Variants in GRID1 observed in about 807,000 individuals in gnomAD.
The protein encoded by GRID1 is glutamate ionotropic receptor delta type subunit 1, also known as glutamate receptor ionotropic, delta-1.
A neutral mutation model predicts 98.0 loss-of-function variants in GRID1; 28 were observed. The ratio of observed to expected loss-of-function variants is 0.29; its 90% CI spans 0.21 to 0.39. The LOEUF is 0.39. GRID1 is among the 10% of genes least tolerant of loss of function. The pLI, the probability that GRID1 is intolerant of heterozygous loss-of-function variation, is 1.00. For synonymous variants in GRID1, 553 were observed against 538.5 expected (o/e 1.03, Z -0.37); for missense variants, 1,111 against 1,340.5 (o/e 0.83, Z 2.67).
chr10:85,719,751 A>T (rs1178371016), intron 12 of GRID1, among the ~76,000 whole-genome samples: 3 of 152,216 alleles, frequency 2.0e-5, no homozygotes, highest in African/African-American at 7.2e-5. Flanking sequence ...ATAGACTGAA[A>T]AAAAAGCCCT....
At chr10:85,728,924 G>A (rs1225777404) in intron 9 of GRID1, among the ~76,000 whole-genome samples, 3 of 152,118 alleles carry the variant, frequency 2.0e-5, no homozygotes, top group South Asian at 4.1e-4. Context: ...GCCAATAAGA[G>A]GCAAGTCTAT....
At chr10:86,178,744 C>T (rs1195168671) in intron 3 of GRID1, among the ~76,000 whole-genome samples, 1 of 152,306 alleles carries the variant, frequency 6.6e-6, no homozygotes, top group Non-Finnish European at 1.5e-5. Context: ...GCTCTGATTT[C>T]ACTCCCCTCC....
chr10:85,968,824 T>A (rs1284694504), intron 4 of GRID1, among the ~76,000 whole-genome samples: 2 of 151,824 alleles, frequency 1.3e-5, no homozygotes, highest in African/African-American at 2.4e-5. Flanking sequence ...AACAACAAAA[T>A]GGAAGGTGCT....
At chr10:85,863,175 C>G (rs76040982) in intron 6 of GRID1, among the ~76,000 whole-genome samples, 4 of 152,066 alleles carry the variant, frequency 2.6e-5, no homozygotes, top group African/African-American at 9.7e-5. Context: ...AACTTCTCAC[C>G]GTTCTGAAGC....
chr10:86,199,622 G>A (rs1845920386), intron 3 of GRID1, among the ~76,000 whole-genome samples: 1 of 152,126 alleles, frequency 6.6e-6, no homozygotes, highest in Non-Finnish European at 1.5e-5. Flanking sequence ...TGTGAGCAAG[G>A]GCAGCTCCAC....
intron 12 of GRID1, among the ~76,000 whole-genome samples, chr10:85,688,513 C>T (rs910146985): frequency 6.6e-6 from 1 of 152,132 alleles, no homozygotes; most frequent in African/African-American, 2.4e-5. Flanking sequence ...CACACATGAC[C>T]TAGAAATGGA....
chr10:86,134,315 G>A (rs554012318), intron 4 of GRID1, among the ~76,000 whole-genome samples: 1 of 152,326 alleles, frequency 6.6e-6, no homozygotes, highest in Non-Finnish European at 1.5e-5. Context: ...GTACTTGCTG[G>A]GTGAGTAAGT....
intron 4 of GRID1, among the ~76,000 whole-genome samples, chr10:85,942,039 C>T (rs1053039367): frequency 7.2e-5 from 11 of 152,168 alleles, no homozygotes; most frequent in East Asian, 1.9e-4. Context: ...TTTTCCCCTG[C>T]CCTCCGTCTT....
intron 4 of GRID1, among the ~76,000 whole-genome samples, chr10:86,014,394 A>G (rs891161402): frequency 6.6e-6 from 1 of 152,206 alleles, no homozygotes; most frequent in Admixed American, 6.5e-5. Flanking sequence ...CCCAACATAG[A>G]CTGGATGTTT....
intron 12 of GRID1, among the ~76,000 whole-genome samples, chr10:85,674,722 T>G (rs964263322): frequency 2.0e-5 from 3 of 152,106 alleles, no homozygotes; most frequent in Non-Finnish European, 4.4e-5. Context: ...GGTTTTTTTT[T>G]TTTTTGGTGT....
At chr10:85,672,335 G>A (rs1432513551) in intron 12 of GRID1, among the ~76,000 whole-genome samples, 1 of 152,176 alleles carries the variant, frequency 6.6e-6, no homozygotes, top group African/African-American at 2.4e-5. Context: ...TTTGGATGGA[G>A]TCTTCCTCTG....
At chr10:85,715,936 T>C (rs188249349) in intron 12 of GRID1, among the ~76,000 whole-genome samples, 14 of 151,706 alleles carry the variant, frequency 9.2e-5, no homozygotes, top group African/African-American at 3.4e-4. Context: ...AGACGGAGTC[T>C]AACTCTATTG....
chr10:85,820,027 A>AAGGAAGGAAGGAAGGCAGGC (rs1564600207), intron 8 of GRID1, among the ~76,000 whole-genome samples: 2 of 66,520 alleles, frequency 3.0e-5, no homozygotes, highest in South Asian at 1.0e-3. Flanking sequence ...GGAAGGAAGG[A>AAGGAAGGAAGGAAGGCAGGC]AGGCAGGCAG....
rs1331858990 is a variant in GRID1 at position 85,599,798 on chromosome 10, A to T, written c.*2475T>A. The T allele has an allele frequency of 6.1e-5, 3 of 49,108 alleles. No individual in the cohort carries two copies. Among genetic ancestry groups the T allele is most frequent in the African/African-American group, 1.2e-4 (1 of 8,308 alleles). The allele number at this position is 49,108 out of a possible 1,614,324, so 3.0% of individuals were successfully genotyped here. ...AAGGGTAGAAAATTCTAAAAAAAAA[A>T]AAAAATATATATATATATATATAAA... On this transcript the variant is annotated 3_prime_UTR_variant, in exon 16 of 16. Transcript: ENST00000327946.
chr10:85,835,019 T>C (rs960243554), intron 8 of GRID1, among the ~76,000 whole-genome samples: 1 of 152,190 alleles, frequency 6.6e-6, no homozygotes, highest in Admixed American at 6.5e-5. Context: ...ATGCAGACAT[T>C]AATTTTTAAA....
At chr10:86,110,742 G>A (rs1057210784) in intron 4 of GRID1, among the ~76,000 whole-genome samples, 8 of 152,338 alleles carry the variant, frequency 5.3e-5, no homozygotes, top group African/African-American at 1.9e-4. Context: ...AATCAGATGA[G>A]GTGGGCACCC....
At chr10:85,906,994 A>G (rs1841470447) in intron 5 of GRID1, among the ~76,000 whole-genome samples, 1 of 152,258 alleles carries the variant, frequency 6.6e-6, no homozygotes, top group Non-Finnish European at 1.5e-5. Context: ...CAATAAAAAA[A>G]GAAAAGAGAC....
At chr10:86,260,759 T>C (rs989770360) in intron 2 of GRID1, among the ~76,000 whole-genome samples, 3 of 152,164 alleles carry the variant, frequency 2.0e-5, no homozygotes, top group Non-Finnish European at 2.9e-5. Flanking sequence ...CGGACAGTGA[T>C]GGAAAGCATG....
At chr10:85,850,584 G>C (rs1423609339) in intron 8 of GRID1, among the ~76,000 whole-genome samples, 1 of 152,170 alleles carries the variant, frequency 6.6e-6, no homozygotes, top group Non-Finnish European at 1.5e-5. Flanking sequence ...CTTGGCTTTG[G>C]AGCTATAGTC....
Sources: allele counts gnomAD v4.1 joint callset (sites outside exome capture counted in the v4.1 genomes callset), GRCh38; gene constraint gnomAD v4.1.1; transcripts MANE v1.5; gene names NCBI Gene and HGNC (gene_info 2026-07-23, HGNC 2026-07-21).